Variants in EPAS1 observed in about 807,000 individuals in gnomAD.
The protein encoded by EPAS1 is endothelial PAS domain protein 1, also known as endothelial PAS domain-containing protein 1.
In EPAS1, 23 loss-of-function variants were observed where a neutral mutation model predicts 87.9. The observed-to-expected ratio is 0.26, with a 90% CI of 0.19 to 0.37. The LOEUF (loss-of-function observed/expected upper bound fraction) is 0.37. Among genes scored for constraint, EPAS1 ranks in the 10% least tolerant of loss-of-function variants. EPAS1 has a pLI of 1.00. For missense variants in EPAS1, 1,138 were observed against 1,120.7 expected, an observed-to-expected ratio of 1.02 and a Z score of -0.22; for synonymous variants, 508 against 444.3, an observed-to-expected ratio of 1.14 and a Z score of -1.80.
chr2:46,297,756 C>T lies in EPAS1; in HGVS notation c.-156C>T, dbSNP rs1682909311. Reference sequence around the variant, plus strand: ...CCCGCACCTAGCCCGCCGCGCGCCACCTTCCACCTGACTGCGCGGGGCGCT... The same window carrying T: ...CCCGCACCTAGCCCGCCGCGCGCCATCTTCCACCTGACTGCGCGGGGCGCT... On this transcript the variant is annotated 5_prime_UTR_variant, in exon 1 of 16. Coordinates refer to ENST00000263734, the MANE Select transcript of EPAS1 (RefSeq NM_001430.5). The T allele has an allele frequency of 3.1e-6, 3 of 982,586 alleles. No individual in the cohort carries two copies. Among genetic ancestry groups the T allele is most frequent in the Non-Finnish European group, 4.6e-6 (3 of 653,204 alleles). 60.9% of individuals were successfully genotyped at this position (982,586 alleles called of 1,614,324 possible). A position where few individuals can be genotyped will look rare whatever the true frequency, so the allele number is the denominator to read the frequency against.
At position 46,346,795 on chromosome 2, in the gene EPAS1, G is replaced by C; in HGVS notation, c.27-78G>C. 6.6e-7 allele frequency: 1 copy of C among 1,511,962 alleles called. No homozygotes were observed. Among genetic ancestry groups the C allele is most frequent in the East Asian group, 2.3e-5 (1 of 42,760 alleles). The allele number at this position is 1,511,962 out of a possible 1,614,324, so 93.7% of individuals were successfully genotyped here. ...GAGTGTGGCTGCACTGGGGGTTGGGGCCATGGGGATGTCCTGGCCAGAGGT... is the reference window on the plus strand; with the variant it reads ...GAGTGTGGCTGCACTGGGGGTTGGGCCCATGGGGATGTCCTGGCCAGAGGT... On this transcript the variant is annotated intron_variant, in intron 1 of 15. Coordinates refer to ENST00000263734, the MANE Select transcript of EPAS1 (RefSeq NM_001430.5). The surrounding 1 kb of genome is among the most constrained non-coding windows in gnomAD (Gnocchi z 4.0).
chr2:46,301,525 G>A (rs1004029912), intron 1 of EPAS1, among the ~76,000 whole-genome samples: 5 of 151,246 alleles, frequency 3.3e-5, no homozygotes, highest in South Asian at 2.1e-4. Context: ...TGCAGTGAGC[G>A]GAGATAGCGC....
chr2:46,364,180 G>A (rs754549942), intron 6 of EPAS1, among the ~76,000 whole-genome samples: 1 of 152,122 alleles, frequency 6.6e-6, no homozygotes, highest in Non-Finnish European at 1.5e-5. Context: ...ATGGGGTGAG[G>A]GGTTCTCCAT....
chr2:46,381,921 G>A (rs1304394982), intron 13 of EPAS1, 54 bp from the exon 14 acceptor site: 3 of 1,320,812 alleles, frequency 2.3e-6, no homozygotes, highest in Admixed American at 3.8e-5. Context: ...CACCCAGTCT[G>A]GGGACCTGGT....
At position 46,380,785 on chromosome 2, in the gene EPAS1, GA is replaced by G; in HGVS notation, c.2045+69del. The G allele has an allele frequency of 6.3e-7, 1 of 1,598,172 alleles. No individual in the cohort carries two copies. The highest frequency in any genetic ancestry group is 8.5e-7 in the Non-Finnish European group (1 of 1,179,610). ...GAGGCACCCACTAGTAAGATAGCTG[GA>G]CCCCCAGGGAGGCCCCTGCCCCTCT... is the stretch of plus-strand genomic sequence containing the variant. On this transcript the variant is annotated intron_variant, in intron 12 of 15. Transcript: ENST00000263734. The surrounding 1 kb of genome is among the most constrained non-coding windows in gnomAD (Gnocchi z 4.4).
chr2:46,357,559 C>T (rs1684294024), intron 4 of EPAS1, among the ~76,000 whole-genome samples: 1 of 152,226 alleles, frequency 6.6e-6, no homozygotes, highest in South Asian at 2.1e-4. Context: ...CAGAGCATCA[C>T]TTCTGCCCCA....
intron 1 of EPAS1, among the ~76,000 whole-genome samples, chr2:46,345,554 G>A (rs1684007528): frequency 6.6e-6 from 1 of 151,998 alleles, no homozygotes; most frequent in Non-Finnish European, 1.5e-5. Flanking sequence ...TGGCCTCTAT[G>A]GGGCAGTTTC....
chr2:46,351,428 T>G (rs1490507751), intron 2 of EPAS1, among the ~76,000 whole-genome samples: 1 of 152,152 alleles, frequency 6.6e-6, no homozygotes, highest in Non-Finnish European at 1.5e-5. Context: ...ACACAGTGCC[T>G]TCTGTCAAAG....
In EPAS1 at chr2:46,304,346, G is replaced by A. The variant is rs1461590250; in HGVS notation, c.26+6409G>A. On this transcript the variant is annotated intron_variant, in intron 1 of 15. Coordinates refer to ENST00000263734, the MANE Select transcript of EPAS1 (RefSeq NM_001430.5). Reference sequence around the variant, plus strand: ...TCGTATAGGTAGCATGGGCAGAGCTGCATTCAACCTGAGTAAAGGAGGTCC... The same window carrying A: ...TCGTATAGGTAGCATGGGCAGAGCTACATTCAACCTGAGTAAAGGAGGTCC... Among the ~76,000 whole-genome samples the A allele has an allele frequency of 7.2e-5, 11 of 152,246 alleles. No homozygotes were observed. In the South Asian group the frequency reaches 1.7e-3, roughly 23 times the overall value.
chr2:46,384,441 A>G, intron 15 of EPAS1, 68 bp from the exon 16 acceptor site: 1 of 1,609,134 alleles, frequency 6.2e-7, no homozygotes, highest in Non-Finnish European at 8.5e-7. Flanking sequence ...CCCCAGTCAC[A>G]AAGAAGTAGA....
At chr2:46,322,430 C>G (rs988852561) in intron 1 of EPAS1, among the ~76,000 whole-genome samples, 1 of 152,118 alleles carries the variant, frequency 6.6e-6, no homozygotes, top group Non-Finnish European at 1.5e-5. Flanking sequence ...AACAGGGGTT[C>G]CAAACCTTAG....
At chr2:46,343,292 A>G (rs558522005) in intron 1 of EPAS1, among the ~76,000 whole-genome samples, 51 of 152,210 alleles carry the variant, frequency 3.4e-4, no homozygotes, top group Non-Finnish European at 6.9e-4. Flanking sequence ...ACTTAAAGAC[A>G]TGAGGCTCCC....
chr2:46,363,775 T>C (rs1477117634), intron 6 of EPAS1, among the ~76,000 whole-genome samples: 1 of 152,228 alleles, frequency 6.6e-6, no homozygotes, highest in Non-Finnish European at 1.5e-5. Context: ...ACACTGCATT[T>C]TCAGCAAAAT....
intron 1 of EPAS1, among the ~76,000 whole-genome samples, chr2:46,342,575 A>G (rs1298134279): frequency 6.6e-6 from 1 of 152,136 alleles, no homozygotes; most frequent in African/African-American, 2.4e-5. Context: ...AATCACTCTA[A>G]AAGTCTAGCT....
In EPAS1 at chr2:46,385,200, T is replaced by G. The variant is rs1441101825; in HGVS notation, c.*540T>G. On this transcript the variant is annotated 3_prime_UTR_variant, in exon 16 of 16. Transcript: ENST00000263734. ...GTAAATTTCAGGGTTTTTTTTTTTT[T>G]GTTTAAGCTGACTCTTTGCTCTAAT... 6.8e-6 allele frequency: 1 copy of G among 146,968 alleles called. No individual in the cohort carries two copies. The highest frequency in any genetic ancestry group is 2.6e-5 in the African/African-American group (1 of 38,264). The allele number at this position is 146,968 out of a possible 1,614,324, so 9.1% of individuals were successfully genotyped here.
At chr2:46,311,426 T>A (rs72885045) in intron 1 of EPAS1, among the ~76,000 whole-genome samples, 3,586 of 152,218 alleles carry the variant, frequency 0.024, 149 homozygotes, top group African/African-American at 0.082. Context: ...CCAGAGAGCT[T>A]TGGAGCACAG....
intron 1 of EPAS1, among the ~76,000 whole-genome samples, chr2:46,336,634 C>T (rs749217301): frequency 6.6e-6 from 1 of 152,214 alleles, no homozygotes; most frequent in Non-Finnish European, 1.5e-5. Flanking sequence ...TTGGACTTTA[C>T]GTGCCTCAGA....
intron 4 of EPAS1, among the ~76,000 whole-genome samples, chr2:46,358,832 A>G (rs1482470739): frequency 6.6e-6 from 1 of 152,206 alleles, no homozygotes; most frequent in African/African-American, 2.4e-5. Context: ...CCTAGAGGAA[A>G]AGAAAGCCAT....
rs1179046575 is a variant in EPAS1, at chr2:46,382,435, C to T, written c.2298C>T (p.Thr766=). The T allele has an allele frequency of 1.2e-6, 2 of 1,614,108 alleles. No homozygotes were observed. The highest frequency in any genetic ancestry group is 1.7e-6 in the Non-Finnish European group (2 of 1,180,020). Residue 766 remains threonine (T), a synonymous_variant, in exon 15 of 16, where the codon ACC becomes ACT. Coordinates refer to ENST00000263734, the MANE Select transcript of EPAS1 (RefSeq NM_001430.5). ...ACTTTGGTCTTTCAGATAAGTTCAC[C>T]CAAAACCCCATGAGGGGCCTGGGCC... The part of the protein sequence containing the change: ...LSANVPNDKF[T]QNPMRGLGHP...
Sources: allele counts gnomAD v4.1 joint callset (sites outside exome capture counted in the v4.1 genomes callset), GRCh38; gene constraint gnomAD v4.1.1; non-coding constraint Gnocchi (gnomAD v3.1); transcripts MANE v1.5; gene names NCBI Gene and HGNC (gene_info 2026-07-23, HGNC 2026-07-21).